The following FAR1 variants were observed in gnomAD, a reference collection of about 807,000 sequenced individuals.
FAR1 encodes fatty acyl-CoA reductase 1, also known as male sterility domain-containing protein 2.
A neutral mutation model predicts 61.1 loss-of-function variants in FAR1; 22 were observed. That is an observed-to-expected ratio of 0.36 (90% CI 0.26 to 0.51). The LOEUF (loss-of-function observed/expected upper bound fraction) is 0.51, where lower values mean the gene tolerates loss of function less well. Ranked by LOEUF, FAR1 falls within the 20% of genes least tolerant of loss-of-function variation. The pLI, the probability that FAR1 is intolerant of heterozygous loss-of-function variation, is 0.95. For synonymous variants in FAR1, 206 were observed against 209.7 expected (o/e 0.98, Z 0.15); for missense variants, 359 against 626.9 (o/e 0.57, Z 4.56).
chr11:13,724,269 C>T (rs143372129), intron 10 of FAR1, among the ~76,000 whole-genome samples: 7 of 141,430 alleles, frequency 4.9e-5, no homozygotes, highest in African/African-American at 1.3e-4. Flanking sequence ...CAGTAGGGGC[C>T]GGGCGTGGTG....
At chr11:13,697,299 A>G (rs1301554458) in intron 2 of FAR1, among the ~76,000 whole-genome samples, 4 of 151,786 alleles carry the variant, frequency 2.6e-5, no homozygotes, top group Non-Finnish European at 5.9e-5. Flanking sequence ...CATCTCTACT[A>G]AAAAATACAA....
At chr11:13,716,028 A>T (rs774186823) in intron 9 of FAR1, among the ~76,000 whole-genome samples, 5 of 152,240 alleles carry the variant, frequency 3.3e-5, no homozygotes, top group Non-Finnish European at 5.9e-5. Context: ...GAACAACTTT[A>T]GAGCAGGTAA....
intron 7 of FAR1, among the ~76,000 whole-genome samples, chr11:13,712,614 G>T (rs1169442905): frequency 1.3e-5 from 2 of 151,864 alleles, no homozygotes; most frequent in African/African-American, 2.4e-5. Flanking sequence ...AGGAAACTTA[G>T]TCCATAATTT....
chr11:13,691,118 A>G (rs1437593846), intron 1 of FAR1, among the ~76,000 whole-genome samples: 1 of 152,184 alleles, frequency 6.6e-6, no homozygotes, highest in Non-Finnish European at 1.5e-5. Flanking sequence ...AAAATGTACC[A>G]ATTGTTTTGG....
At chr11:13,692,512 T>A (rs1333017009) in intron 1 of FAR1, among the ~76,000 whole-genome samples, 1 of 152,164 alleles carries the variant, frequency 6.6e-6, no homozygotes, top group Non-Finnish European at 1.5e-5. Flanking sequence ...AGTGTATGAT[T>A]GTTCTGATTT....
At chr11:13,705,742 G>A (rs1848425358) in intron 3 of FAR1, among the ~76,000 whole-genome samples, 1 of 152,008 alleles carries the variant, frequency 6.6e-6, no homozygotes, top group Non-Finnish European at 1.5e-5. Flanking sequence ...ATTATTTCTA[G>A]TGTGTTTTCA....
At chr11:13,689,547 T>G (rs966294370) in intron 1 of FAR1, among the ~76,000 whole-genome samples, 1 of 152,228 alleles carries the variant, frequency 6.6e-6, no homozygotes, top group East Asian at 1.9e-4. Flanking sequence ...ATATTGTTGA[T>G]GAACACTTGG....
At chr11:13,692,248 C>G (rs1254927629) in intron 1 of FAR1, among the ~76,000 whole-genome samples, 1 of 152,132 alleles carries the variant, frequency 6.6e-6, no homozygotes, top group African/African-American at 2.4e-5. Flanking sequence ...GGATGTTCAA[C>G]CAGTAAGCAT....
chr11:13,686,838 G>T (rs1199772476), intron 1 of FAR1, among the ~76,000 whole-genome samples: 2 of 152,186 alleles, frequency 1.3e-5, no homozygotes, highest in Non-Finnish European at 2.9e-5. Flanking sequence ...TTTATTAAGA[G>T]AATACAATCA....
Position 13,730,812 on chromosome 11 carries a change from A to C in FAR1, c.*2038A>C, listed in dbSNP as rs576622889. 6.6e-6 allele frequency: 1 copy of C among 152,082 alleles called. No individual in the cohort carries two copies. Among genetic ancestry groups the C allele is most frequent in the Non-Finnish European group, 1.5e-5 (1 of 67,956 alleles). 9.4% of individuals were successfully genotyped at this position (152,082 alleles called of 1,614,324 possible). ...GGGTGCTGAGGCCACTCACTGCATT[A>C]ATTTTGTGTGTTTAGAGTTCTGTTG... On this transcript the variant is annotated 3_prime_UTR_variant, in exon 12 of 12. Coordinates refer to ENST00000354817, the MANE Select transcript of FAR1 (RefSeq NM_032228.6).
At chr11:13,714,391 A>G (rs1305904846) in intron 8 of FAR1, 118 bp from the exon 9 acceptor site, 2 of 1,010,192 alleles carry the variant, frequency 2.0e-6, no homozygotes, top group African/African-American at 1.7e-5. Context: ...TGTTTTTTAA[A>G]TGTACGAACT....
At position 13,708,082 on chromosome 11, in the gene FAR1, A is replaced by C; in HGVS notation, c.545+3A>C. ...AAGAAGCTGATTGATTCTTTAGAGT[A>C]TGTTTGTTTGAAATTTATATACATT... On this transcript the variant is annotated splice_donor_region_variant and intron_variant, in intron 4 of 11. Coordinates refer to ENST00000354817, the MANE Select transcript of FAR1 (RefSeq NM_032228.6). 1 of 1,566,752 alleles carries C rather than the reference A, an allele frequency of 6.4e-7. No homozygotes were observed. Among genetic ancestry groups the C allele is most frequent in the Non-Finnish European group, 8.6e-7 (1 of 1,157,170 alleles).
rs564657268 is a variant in FAR1, at chr11:13,678,661, A to G, written c.-8+9855A>G. Among the ~76,000 whole-genome samples the G allele has an allele frequency of 3.9e-5, 6 of 152,198 alleles. No individual in the cohort carries two copies. In the South Asian group the frequency reaches 1.2e-3, roughly 32 times the overall value. On this transcript the variant is annotated intron_variant, in intron 1 of 11. Coordinates refer to ENST00000354817, the MANE Select transcript of FAR1 (RefSeq NM_032228.6). ...AGTAATCCTTGAGCTTCTCATGAGC[A>G]TTATTTCCCTAGCTGTGTTGGGACA...
intron 10 of FAR1, chr11:13,723,452 TCTTC>T: frequency 2.5e-6 from 1 of 393,288 alleles, no homozygotes; most frequent in Non-Finnish European, 4.9e-6. Flanking sequence ...GGTAGTTGGC[TCTTC>T]CTTTATAGGT....
intron 2 of FAR1, 102 bp downstream of exon 2, chr11:13,695,056 G>A: frequency 7.2e-6 from 7 of 966,050 alleles, no homozygotes; most frequent in Non-Finnish European, 9.8e-6. Flanking sequence ...TCAGTATTCT[G>A]AAAAAATTAG....
In FAR1 at chr11:13,732,342, A is replaced by G. The variant is rs777969126; in HGVS notation, c.*3568A>G. Reference sequence around the variant, plus strand: ...TTTATTAAAGAAAAATTTGAGTAACATTAAGTTTGATGTGCTCCTTTGCAA... The same window carrying G: ...TTTATTAAAGAAAAATTTGAGTAACGTTAAGTTTGATGTGCTCCTTTGCAA... On this transcript the variant is annotated 3_prime_UTR_variant, in exon 12 of 12. Coordinates refer to ENST00000354817, the MANE Select transcript of FAR1 (RefSeq NM_032228.6). The G allele has an allele frequency of 2.0e-5, 3 of 152,180 alleles. No individual in the cohort carries two copies. The highest frequency in any genetic ancestry group is 2.9e-5 in the Non-Finnish European group (2 of 68,024). The allele number at this position is 152,180 out of a possible 1,614,324, so 9.4% of individuals were successfully genotyped here. A position where few individuals can be genotyped will look rare whatever the true frequency, so the allele number is the denominator to read the frequency against.
intron 1 of FAR1, among the ~76,000 whole-genome samples, chr11:13,676,162 T>C (rs940735403): frequency 6.6e-6 from 1 of 152,034 alleles, no homozygotes; most frequent in Non-Finnish European, 1.5e-5. Context: ...TTATTAAGAG[T>C]GATAAAATGA....
At chr11:13,711,052 G>C (rs936874476) in intron 5 of FAR1, 182 bp downstream of exon 5, 1 of 558,656 alleles carries the variant, frequency 1.8e-6, no homozygotes. Context: ...ATAATGTGAC[G>C]CTGGGTATAT....
chr11:13,723,396 A>G (rs765627975), intron 10 of FAR1: 4 of 415,576 alleles, frequency 9.6e-6, no homozygotes, highest in Non-Finnish European at 1.9e-5. Flanking sequence ...CCAAAAAAAA[A>G]CTTTTTTATT....
Sources: allele counts gnomAD v4.1 joint callset (sites outside exome capture counted in the v4.1 genomes callset), GRCh38; gene constraint gnomAD v4.1.1; transcripts MANE v1.5; gene names NCBI Gene and HGNC (gene_info 2026-07-23, HGNC 2026-07-21).